Variants in SHFL observed in about 807,000 individuals in gnomAD.
SHFL encodes the protein shiftless antiviral inhibitor of ribosomal frameshifting protein.
SHFL carries 12 observed loss-of-function variants against 34.7 expected under a neutral mutation model. That is an observed-to-expected ratio of 0.35 (90% CI 0.22 to 0.56). The LOEUF is 0.56. SHFL is among the 20% of genes least tolerant of loss of function. SHFL has a pLI of 0.88. For missense variants in SHFL, 278 were observed against 411.1 expected (o/e 0.68, Z 2.80); for synonymous variants, 148 against 156.0 (o/e 0.95, Z 0.38).
intron 3 of SHFL, 81 bp from the exon 4 acceptor site, chr19:10,089,576 G>A (rs371707704): frequency 1.5e-4 from 228 of 1,526,562 alleles, no homozygotes; most frequent in East Asian, 1.2e-3. Flanking sequence ...TACTCATTGC[G>A]GCCGGGGGCC....
chr19:10,087,505 G>A, intron 3 of SHFL: 1 of 606,758 alleles, frequency 1.6e-6, no homozygotes, highest in Non-Finnish European at 2.9e-6. Context: ...CGCTCATTAT[G>A]TGCTGATTGT....
rs925006776 is a variant in SHFL at position 10,089,490 on chromosome 19, G to T, written c.196-167G>T. 5.7e-5 allele frequency: 79 copies of T among 1,378,184 alleles called. 2 individuals carry two copies. The Middle Eastern group carries it at 9.2e-4, about 16-fold the overall frequency. 85.4% of individuals were successfully genotyped at this position (1,378,184 alleles called of 1,614,324 possible). A position where few individuals can be genotyped will look rare whatever the true frequency, so the allele number is the denominator to read the frequency against. ...TGCCCACCTCTCAGGGCTGCTATGAGGACAACTGAGGCCACACACCTGGCT... is the reference window on the plus strand; with the variant it reads ...TGCCCACCTCTCAGGGCTGCTATGATGACAACTGAGGCCACACACCTGGCT... On this transcript the variant is annotated intron_variant, in intron 3 of 7. Transcript: ENST00000253110.
At position 10,086,402 on chromosome 19, in the gene SHFL, T is replaced by A; in HGVS notation, c.-26T>A. The A allele has an allele frequency of 7.5e-7, 1 of 1,327,060 alleles. No individual in the cohort carries two copies. The allele number at this position is 1,327,060 out of a possible 1,614,324, so 82.2% of individuals were successfully genotyped here. The stretch of plus-strand genomic sequence containing the variant: ...CGGCTGAGCCGCGCAGTGCGGACCC[T>A]CGCGGGGAACTGCGCCGCCGCCACC... On this transcript the variant is annotated 5_prime_UTR_variant, in exon 1 of 8. Transcript: ENST00000253110. This position sits in a 1 kb window ranked among gnomAD's most constrained non-coding sequence, Gnocchi z 5.2.
intron 3 of SHFL, chr19:10,088,953 T>TATAATA (rs76308973): frequency 0.11 from 15,604 of 136,666 alleles, 984 homozygotes; most frequent in Admixed American, 0.2. Flanking sequence ...GTCTCAAAAA[T>TATAATA]ATAATAATAA....
intron 3 of SHFL, chr19:10,089,103 T>C (rs907781086): frequency 1.6e-6 from 1 of 615,152 alleles, no homozygotes; most frequent in African/African-American, 1.9e-5. Context: ...TTTATCCCCA[T>C]TTCACAGACA....
chr19:10,090,313 C>A, intron 5 of SHFL: 1 of 473,538 alleles, frequency 2.1e-6, no homozygotes, highest in Non-Finnish European at 3.8e-6. Context: ...AGAAATCAAA[C>A]CTGGCCAGGC....
chr19:10,090,015 G>A lies in SHFL; in HGVS notation c.352G>A (p.Val118Ile), dbSNP rs751717105. 3.7e-6 allele frequency: 6 copies of A among 1,606,516 alleles called. No homozygotes were observed. The highest frequency in any genetic ancestry group is 1.7e-5 in the Admixed American group (1 of 58,820). ...RQFACSSCDH[V>I]WWRRVPQRKE... Reference sequence around the variant, plus strand: ...GTTTGCCTGCTCCTCCTGCGACCACGTCTGGTGGCGCCGCGTGCCCCAGCG... The same window carrying A: ...GTTTGCCTGCTCCTCCTGCGACCACATCTGGTGGCGCCGCGTGCCCCAGCG... Residue 118 changes from valine (V) to isoleucine (I), a missense_variant, in exon 5 of 8, where the codon GTC (valine) becomes ATC (isoleucine). This residue lies in a region of SHFL where 243 missense variants were observed against 386.2 expected (regional missense o/e 0.63). Coordinates refer to ENST00000253110, the MANE Select transcript of SHFL (RefSeq NM_018381.4).
In SHFL at chr19:10,092,452, C is replaced by T. The variant is rs1405512892; in HGVS notation, c.*150C>T. ...GGGGATTCCTGGGTCCCATTTTCAGCGCCCAGGGTCACAGATCCACAGTGG... is the reference window on the plus strand; with the variant it reads ...GGGGATTCCTGGGTCCCATTTTCAGTGCCCAGGGTCACAGATCCACAGTGG... On this transcript the variant is annotated 3_prime_UTR_variant, in exon 8 of 8. Transcript: ENST00000253110. The T allele has an allele frequency of 1.3e-5, 19 of 1,511,564 alleles. No individual in the cohort carries two copies. Among genetic ancestry groups the T allele is most frequent in the East Asian group, 4.6e-5 (2 of 43,610 alleles). 93.6% of individuals were successfully genotyped at this position (1,511,564 alleles called of 1,614,324 possible). A position where few individuals can be genotyped will look rare whatever the true frequency, so the allele number is the denominator to read the frequency against.
Position 10,091,478 on chromosome 19 carries a change from G to A in SHFL, c.491G>A (p.Gly164Asp). ...CTCACAGCCCTGCCCGCCCCCAGGG[G>A]CTGGGCACAGATGGGGTCCCCGTCC... ...HCPKCRHNFRGWAQMGSPSPC... is the reference protein window; with the variant it reads ...HCPKCRHNFRDWAQMGSPSPC... The change falls in exon 7 of 8, where the codon GGC becomes GAC. Residue 164 changes from glycine (G) to aspartate (D), a missense_variant and splice_region_variant. This residue lies in a region of SHFL where 243 missense variants were observed against 386.2 expected (regional missense o/e 0.63). Coordinates refer to ENST00000253110, the MANE Select transcript of SHFL (RefSeq NM_018381.4). The surrounding 1 kb of genome is among the most constrained non-coding windows in gnomAD (Gnocchi z 8.2). 1 of 1,540,216 alleles carries A rather than the reference G, an allele frequency of 6.5e-7. No homozygotes were observed. The highest frequency in any genetic ancestry group is 8.8e-7 in the Non-Finnish European group (1 of 1,139,838).
chr19:10,087,197 G>A (rs2088302618), intron 2 of SHFL, 54 bp from the exon 3 acceptor site: 1 of 1,610,674 alleles, frequency 6.2e-7, no homozygotes, highest in Admixed American at 1.7e-5. Context: ...GGGTGGCCTG[G>A]AACTCCCACA....
chr19:10,086,333 C>A lies in SHFL; in HGVS notation c.-95C>A. ...GCCGGCCCCGAGGCACCGCCCCCTG[C>A]CCTGCGCGGCTGCTGGACCGACGGG... On this transcript the variant is annotated 5_prime_UTR_variant, in exon 1 of 8. Transcript: ENST00000253110. This position sits in a 1 kb window ranked among gnomAD's most constrained non-coding sequence, Gnocchi z 5.2. 8.7e-7 allele frequency: 1 copy of A among 1,143,184 alleles called. No homozygotes were observed. Among genetic ancestry groups the A allele is most frequent in the Non-Finnish European group, 1.1e-6 (1 of 893,798 alleles). 70.8% of individuals were successfully genotyped at this position (1,143,184 alleles called of 1,614,324 possible). A position where few individuals can be genotyped will look rare whatever the true frequency, so the allele number is the denominator to read the frequency against.
At position 10,089,642 on chromosome 19, in the gene SHFL, G is replaced by C. The variant is rs2088347167; in HGVS notation, c.196-15G>C. 1.9e-6 allele frequency: 3 copies of C among 1,587,234 alleles called. No homozygotes were observed. In the African/African-American group the frequency reaches 4.0e-5, roughly 21 times the overall value. Reference sequence around the variant, plus strand: ...AGCCCCATCCCCAGTTTCTGCCCCTGCTATCTCCACCCAGGATCCACCAGA... The same window carrying C: ...AGCCCCATCCCCAGTTTCTGCCCCTCCTATCTCCACCCAGGATCCACCAGA... On this transcript the variant is annotated splice_polypyrimidine_tract_variant and intron_variant, in intron 3 of 7. Coordinates refer to ENST00000253110, the MANE Select transcript of SHFL (RefSeq NM_018381.4).
At chr19:10,090,958 C>T (rs1403004869) in intron 5 of SHFL, among the ~76,000 whole-genome samples, 1 of 151,916 alleles carries the variant, frequency 6.6e-6, no homozygotes, top group East Asian at 1.9e-4. Context: ...CTCAAAAACA[C>T]AGCCCCAAAT....
At position 10,089,699 on chromosome 19, in the gene SHFL, A is replaced by T; in HGVS notation, c.234+4A>T. The T allele has an allele frequency of 6.3e-7, 1 of 1,597,828 alleles. No individual in the cohort carries two copies. The highest frequency in any genetic ancestry group is 1.7e-5 in the Admixed American group (1 of 57,290). On this transcript the variant is annotated splice_donor_region_variant and intron_variant, in intron 4 of 7. Transcript: ENST00000253110. ...GAAGCAGGACCGGGACATTCAGGTG[A>T]GTTGGTGGCTAGGGCTTGGGATGGG...
In SHFL at chr19:10,086,896, T is replaced by TC; in HGVS notation, c.22-28dup. 1 of 1,611,240 alleles carries TC rather than the reference T, an allele frequency of 6.2e-7. No homozygotes were observed. Among genetic ancestry groups the TC allele is most frequent in the Non-Finnish European group, 8.5e-7 (1 of 1,178,626 alleles). Reference sequence around the variant, plus strand: ...GGGGAGGGATGATCCCGTTTCCCCTTCCCCCACCGGAACCCCCCTGTCTCC... The same window carrying TC: ...GGGGAGGGATGATCCCGTTTCCCCTTCCCCCCACCGGAACCCCCCTGTCTCC... On this transcript the variant is annotated intron_variant, in intron 1 of 7. Coordinates refer to ENST00000253110, the MANE Select transcript of SHFL (RefSeq NM_018381.4). The surrounding 1 kb of genome is among the most constrained non-coding windows in gnomAD (Gnocchi z 5.2).
At position 10,092,253 on chromosome 19, in the gene SHFL, A is replaced by G. The variant is rs775170578; in HGVS notation, c.827A>G (p.Glu276Gly). 2 of 1,605,710 alleles carry G rather than the reference A, an allele frequency of 1.2e-6. No individual in the cohort carries two copies. The highest frequency in any genetic ancestry group is 1.7e-6 in the Non-Finnish European group (2 of 1,175,968). ...NLILEDLKEE[E>G]EEEEEVEDEE... is the part of the protein sequence containing the mutation. ...ATCCTGGAGGACCTGAAGGAGGAGGAGGAGGAAGAGGAGGAGGTGGAGGAC... is the reference window on the plus strand; with the variant it reads ...ATCCTGGAGGACCTGAAGGAGGAGGGGGAGGAAGAGGAGGAGGTGGAGGAC... Residue 276 changes from glutamate to glycine, a missense_variant, in exon 8 of 8, where the codon GAG becomes GGG. Glu to Gly is a moderately conservative substitution (Grantham distance 98). Transcript: ENST00000253110.
chr19:10,086,812 G>A lies in SHFL; in HGVS notation c.22-117G>A, dbSNP rs79503323. On this transcript the variant is annotated intron_variant, in intron 1 of 7. Transcript: ENST00000253110. The surrounding 1 kb of genome is among the most constrained non-coding windows in gnomAD (Gnocchi z 5.2). ...GTAAAGGGATGAAAGGCGGGGGGGG[G>A]GCGGCGGAGGCCAAAACCAAGGGTC... 0.013 allele frequency: 15,801 copies of A among 1,210,462 alleles called. 442 individuals are homozygous for A. Among genetic ancestry groups the A allele is most frequent in the East Asian group, 0.11 (4,384 of 38,778 alleles). The allele number at this position is 1,210,462 out of a possible 1,614,324, so 75.0% of individuals were successfully genotyped here.
chr19:10,086,999 T>C lies in SHFL; in HGVS notation c.92T>C (p.Leu31Pro). The part of the protein sequence containing the change: ...GKVSSKKAGA[L>P]MRKFGSDHTG... ...GTATCCTCCAAGAAGGCGGGGGCTCTGATGAGGAAATTCGGCAGCGACCAC... is the reference window on the plus strand; with the variant it reads ...GTATCCTCCAAGAAGGCGGGGGCTCCGATGAGGAAATTCGGCAGCGACCAC... Residue 31 changes from leucine to proline, a missense_variant, in exon 2 of 8, where the codon CTG becomes CCG. Physicochemically the swap from Leu to Pro is moderately conservative, Grantham distance 98 (BLOSUM62 -3). Around this residue, in one of 2 missense-constraint regions of SHFL, gnomAD observed 243 missense variants for 386.2 expected, o/e 0.63. Coordinates refer to ENST00000253110, the MANE Select transcript of SHFL (RefSeq NM_018381.4). This position sits in a 1 kb window ranked among gnomAD's most constrained non-coding sequence, Gnocchi z 5.2. 1 of 1,613,204 alleles carries C rather than the reference T, an allele frequency of 6.2e-7. No homozygotes were observed. Among genetic ancestry groups the C allele is most frequent in the African/African-American group, 1.3e-5 (1 of 74,922 alleles).
chr19:10,087,113 G>A (rs2088301253), intron 2 of SHFL, 61 bp downstream of exon 2: 1 of 1,589,694 alleles, frequency 6.3e-7, no homozygotes, highest in African/African-American at 1.3e-5. Flanking sequence ...CCGAGGGGGC[G>A]TGGTCTAGGG....
Sources: gnomAD v4.1 joint callset for allele counts (sites outside exome capture counted in the v4.1 genomes callset) on GRCh38, gnomAD v4.1.1 for gene constraint, gnomAD v4.1.1 regional missense constraint, Gnocchi (gnomAD v3.1) non-coding constraint, MANE v1.5 for transcripts, NCBI Gene and HGNC (gene_info 2026-07-23, HGNC 2026-07-21) for gene names.